MED23: variants seen among roughly 807,000 people sequenced by gnomAD.
The protein encoded by MED23 is mediator complex subunit 23.
Under a neutral mutation model 163.9 loss-of-function variants are expected in MED23, and 105 were observed. The observed-to-expected ratio is 0.64, with a 90% CI of 0.55 to 0.75. The LOEUF is 0.75. MED23 is among the 30% of genes least tolerant of loss of function. The pLI is 0.00. For missense variants in MED23, 1,054 were observed against 1,649.0 expected, an observed-to-expected ratio of 0.64 and a Z score of 6.25; for synonymous variants, 561 against 565.6, an observed-to-expected ratio of 0.99 and a Z score of 0.12.
At chr6:131,625,759 GA>G (rs574701371) in intron 3 of MED23, among the ~76,000 whole-genome samples, 63 of 152,062 alleles carry the variant, frequency 4.1e-4, no homozygotes, top group African/African-American at 1.4e-3. Context: ...ATTATACTGA[GA>G]TAAAATTTCT....
At chr6:131,596,198 A>G in intron 21 of MED23, 35 bp from the exon 22 acceptor site, 1 of 1,583,126 alleles carries the variant, frequency 6.3e-7, no homozygotes, top group Non-Finnish European at 8.7e-7. Context: ...TGGTTAGAGC[A>G]TTTTTTAAAA....
At chr6:131,602,449 A>G in intron 16 of MED23, 68 bp from the exon 17 acceptor site, 4 of 1,421,630 alleles carry the variant, frequency 2.8e-6, no homozygotes, top group Non-Finnish European at 2.9e-6. Flanking sequence ...TCTAAGGTTA[A>G]TTACAATGGA....
At chr6:131,602,138 T>C in intron 17 of MED23, 80 bp downstream of exon 17, 1 of 1,453,730 alleles carries the variant, frequency 6.9e-7, no homozygotes, top group South Asian at 1.1e-5. Flanking sequence ...CTTTTTAGTA[T>C]GTTACAACTA....
chr6:131,614,534 T>G (rs895478535), intron 10 of MED23, among the ~76,000 whole-genome samples: 2 of 152,230 alleles, frequency 1.3e-5, no homozygotes, highest in African/African-American at 4.8e-5. Flanking sequence ...TGAAAAGTCC[T>G]GGAACAGACT....
rs1037441081 is a variant in MED23, at chr6:131,587,145, C to G, written c.*534G>C. The G allele has an allele frequency of 3.4e-5, 41 of 1,219,456 alleles. No homozygotes were observed. Among genetic ancestry groups the G allele is most frequent in the Non-Finnish European group, 3.9e-5 (38 of 969,032 alleles). 75.5% of individuals were successfully genotyped at this position (1,219,456 alleles called of 1,614,324 possible). A position where few individuals can be genotyped will look rare whatever the true frequency, so the allele number is the denominator to read the frequency against. ...GGAAATTTATAATAAAATTTCAAGT[C>G]ATTTTAAAAAGAATATGAAGCCTTG... On this transcript the variant is annotated 3_prime_UTR_variant, in exon 29 of 29. Coordinates refer to ENST00000368068, the MANE Select transcript of MED23 (RefSeq NM_004830.4).
At chr6:131,582,578 C>T (rs775340210), downstream of MED23, 1 of 1,477,374 alleles carries the variant, frequency 6.8e-7, no homozygotes, top group Admixed American at 1.7e-5. Context: ...AGGATTTGTT[C>T]AAGAGAATCA....
intron 21 of MED23, 144 bp downstream of exon 21, chr6:131,596,374 T>C: frequency 9.8e-7 from 1 of 1,020,764 alleles, no homozygotes; most frequent in South Asian, 1.4e-5. Flanking sequence ...CTCTCAAACC[T>C]TGAAGAAGTT....
intron 14 of MED23, 60 bp downstream of exon 14, chr6:131,605,180 G>T (rs1585512322): frequency 1.3e-6 from 2 of 1,561,324 alleles, no homozygotes; most frequent in South Asian, 1.1e-5. Flanking sequence ...TGAAATAAAG[G>T]TTTATACTAT....
At chr6:131,597,433 G>A (rs1018252291) in intron 20 of MED23, among the ~76,000 whole-genome samples, 2 of 127,880 alleles carry the variant, frequency 1.6e-5, no homozygotes, top group African/African-American at 3.2e-5. Flanking sequence ...CCAACATCAC[G>A]CCACTGCACT....
chr6:131,585,612 A>G (rs192251680), downstream of MED23, among the ~76,000 whole-genome samples: 236 of 152,360 alleles, frequency 1.5e-3, 2 homozygotes, highest in African/African-American at 5.3e-3. Flanking sequence ...AGATAAATGT[A>G]GCTGCTAACT....
chr6:131,588,218 T>A (rs1164466300), intron 28 of MED23, among the ~76,000 whole-genome samples: 2 of 152,336 alleles, frequency 1.3e-5, no homozygotes, highest in South Asian at 2.1e-4. Flanking sequence ...AACAAGTTGA[T>A]CATTCTTTTA....
At chr6:131,596,882 T>C (rs564206557) in intron 20 of MED23, among the ~76,000 whole-genome samples, 194 bp from the exon 21 acceptor site, 25 of 152,318 alleles carry the variant, frequency 1.6e-4, no homozygotes, top group African/African-American at 6.0e-4. Flanking sequence ...TGGCTTACCA[T>C]TCCTTCTGCC....
rs1338095418 is a variant in MED23, at chr6:131,610,443, G to A, written c.877-197C>T. On this transcript the variant is annotated intron_variant, in intron 10 of 28. Transcript: ENST00000368068. ...TACAGGATAAGCTTCATGAAAAAAT[G>A]TTTTCAGGTTTCCTACAAAACAGAC... 3.3e-5 allele frequency among the ~76,000 whole-genome samples: 5 copies of A among 152,124 alleles called. No homozygotes were observed. In the South Asian group the frequency reaches 1.0e-3, roughly 32 times the overall value.
chr6:131,575,159 T>C (rs1773553702), intron 30 of MED23, among the ~76,000 whole-genome samples: 1 of 152,210 alleles, frequency 6.6e-6, no homozygotes, highest in Admixed American at 6.5e-5. Context: ...GGCTGTGTTA[T>C]AGCAAATATA....
rs529041071 is a variant in MED23 at position 131,591,041 on chromosome 6, C to T, written c.3686+272G>A. On this transcript the variant is annotated intron_variant, in intron 26 of 28. Coordinates refer to ENST00000368068, the MANE Select transcript of MED23 (RefSeq NM_004830.4). ...CTGTCACCAGGCTGGAGTGCAGTGG[C>T]GCGATCTTGGTTCACTGCAATTTCC... Among the ~76,000 whole-genome samples, 51 of 150,672 alleles carry T rather than the reference C, an allele frequency of 3.4e-4. 1 individual carries two copies. Among genetic ancestry groups the T allele is most frequent in the Admixed American group, 2.8e-3 (42 of 15,114 alleles).
exon 31 of MED23, chr6:131,573,990 T>A: frequency 2.2e-6 from 1 of 450,848 alleles, no homozygotes. Context: ...AGGATTTTAA[T>A]GGATTTATGA....
downstream of MED23, among the ~76,000 whole-genome samples, chr6:131,581,771 T>C (rs1172312478): frequency 1.3e-5 from 2 of 152,208 alleles, no homozygotes; most frequent in Non-Finnish European, 2.9e-5. Context: ...AGTTCTGCAT[T>C]CTTACTGAGT....
intron 30 of MED23, among the ~76,000 whole-genome samples, chr6:131,575,626 C>T (rs1306446009): frequency 6.6e-6 from 1 of 152,194 alleles, no homozygotes; most frequent in African/African-American, 2.4e-5. Flanking sequence ...AGCCCCAATC[C>T]TAAAGATAGA....
intron 22 of MED23, among the ~76,000 whole-genome samples, chr6:131,594,739 T>G (rs1030371498): frequency 2.6e-5 from 4 of 152,156 alleles, no homozygotes; most frequent in African/African-American, 9.7e-5. Context: ...CTTTACGTAC[T>G]AATACAAATG....
Sources: gnomAD v4.1 joint callset for allele counts (sites outside exome capture counted in the v4.1 genomes callset) on GRCh38, gnomAD v4.1.1 for gene constraint, MANE v1.5 for transcripts, NCBI Gene and HGNC (gene_info 2026-07-23, HGNC 2026-07-21) for gene names.